PRKCE: variants seen among roughly 807,000 people sequenced by gnomAD.
PRKCE encodes the protein protein kinase C epsilon type.
In PRKCE, 16 loss-of-function variants were observed where a neutral mutation model predicts 85.4. The observed-to-expected ratio is 0.19, with a 90% CI of 0.13 to 0.28. The LOEUF (loss-of-function observed/expected upper bound fraction) is 0.28. Among genes scored for constraint, PRKCE ranks in the 10% least tolerant of loss-of-function variants. The pLI is 1.00. For missense variants in PRKCE, 573 were observed against 975.2 expected (o/e 0.59, Z 5.49); for synonymous variants, 388 against 371.5 (o/e 1.04, Z -0.51).
intron 1 of PRKCE, among the ~76,000 whole-genome samples, chr2:45,659,678 C>A (rs1675545186): frequency 6.6e-6 from 1 of 152,184 alleles, no homozygotes; most frequent in African/African-American, 2.4e-5. Context: ...CTGCCTCAGT[C>A]TTTACCCTTG....
intron 2 of PRKCE, among the ~76,000 whole-genome samples, chr2:45,883,913 G>A (rs1434336907): frequency 3.3e-5 from 5 of 152,126 alleles, no homozygotes; most frequent in Admixed American, 1.3e-4. Context: ...TGCTTCCCAC[G>A]TTGTCAATGC....
At chr2:45,661,519 TTTTGTTTTTTG>T (rs1229664619) in intron 1 of PRKCE, among the ~76,000 whole-genome samples, 12 of 108,360 alleles carry the variant, frequency 1.1e-4, no homozygotes, top group African/African-American at 3.7e-4. Context: ...TTGTTTTGTT[TTTTGTTTTTTG>T]TTTTTTTTTT....
intron 2 of PRKCE, among the ~76,000 whole-genome samples, chr2:45,921,143 C>T (rs1698218030): frequency 6.6e-6 from 1 of 152,210 alleles, no homozygotes; most frequent in Non-Finnish European, 1.5e-5. Flanking sequence ...CTTCAATGAA[C>T]TGAAGGAGAC....
chr2:46,026,463 G>T (rs144964530), intron 10 of PRKCE, among the ~76,000 whole-genome samples: 1 of 152,180 alleles, frequency 6.6e-6, no homozygotes, highest in African/African-American at 2.4e-5. Context: ...TTGGAAGATG[G>T]TATCATGCAG....
At chr2:45,782,159 G>A (rs566011258) in intron 1 of PRKCE, among the ~76,000 whole-genome samples, 26 of 152,312 alleles carry the variant, frequency 1.7e-4, no homozygotes, top group Non-Finnish European at 3.2e-4. Context: ...TCGGAGCTGA[G>A]CTAAGAAAGG....
intron 11 of PRKCE, among the ~76,000 whole-genome samples, chr2:46,111,125 A>G (rs913600414): frequency 2.6e-5 from 4 of 152,154 alleles, no homozygotes; most frequent in African/African-American, 4.8e-5. Context: ...CTTGATGACC[A>G]TTACATGCAA....
chr2:45,963,306 G>A (rs1281779001), intron 2 of PRKCE, among the ~76,000 whole-genome samples: 1 of 151,886 alleles, frequency 6.6e-6, no homozygotes, highest in Non-Finnish European at 1.5e-5. Context: ...ATCTTTACTT[G>A]TTTTTATTTA....
At chr2:46,017,827 A>G (rs899167409) in intron 10 of PRKCE, among the ~76,000 whole-genome samples, 3 of 152,208 alleles carry the variant, frequency 2.0e-5, no homozygotes, top group African/African-American at 7.2e-5. Flanking sequence ...TACAGATAAG[A>G]AAACCAAGGC....
At chr2:45,704,674 A>G (rs1678959322) in intron 1 of PRKCE, among the ~76,000 whole-genome samples, 1 of 152,194 alleles carries the variant, frequency 6.6e-6, no homozygotes, top group Admixed American at 6.5e-5. Flanking sequence ...TGAGGATGAA[A>G]TGCCTGTATG....
chr2:46,007,338 G>A (rs1705293036), intron 8 of PRKCE, 124 bp from the exon 9 acceptor site: 1 of 897,666 alleles, frequency 1.1e-6, no homozygotes, highest in Non-Finnish European at 1.7e-6. Flanking sequence ...TGTCACACTG[G>A]ATCTGTTGTG....
chr2:45,888,922 G>A (rs1185822323), intron 2 of PRKCE, among the ~76,000 whole-genome samples: 1 of 152,184 alleles, frequency 6.6e-6, no homozygotes, highest in Non-Finnish European at 1.5e-5. Context: ...TCAAAAGTGG[G>A]GAGACCTTGA....
At chr2:46,133,161 G>A (rs1048776191) in intron 11 of PRKCE, among the ~76,000 whole-genome samples, 8 of 152,174 alleles carry the variant, frequency 5.3e-5, no homozygotes, top group African/African-American at 1.4e-4. Context: ...TTCTGGACCC[G>A]GTATTGGGTT....
At chr2:46,127,671 G>A (rs2104384254) in intron 11 of PRKCE, among the ~76,000 whole-genome samples, 1 of 152,220 alleles carries the variant, frequency 6.6e-6, no homozygotes, top group East Asian at 1.9e-4. Context: ...GTGAGTGGCT[G>A]TCACTGTGGG....
chr2:45,889,902 C>T (rs1020752049), intron 2 of PRKCE, among the ~76,000 whole-genome samples: 5 of 152,204 alleles, frequency 3.3e-5, no homozygotes, highest in African/African-American at 1.2e-4. Flanking sequence ...AGAGTCACTA[C>T]CCCTTCGCTC....
At chr2:46,037,670 C>T (rs1707954225) in intron 10 of PRKCE, among the ~76,000 whole-genome samples, 1 of 152,178 alleles carries the variant, frequency 6.6e-6, no homozygotes, top group South Asian at 2.1e-4. Context: ...ATCCTTTCTT[C>T]TGAGGGCAGG....
intron 13 of PRKCE, among the ~76,000 whole-genome samples, chr2:46,151,866 C>A (rs1558506820): frequency 6.6e-6 from 1 of 152,258 alleles, no homozygotes; most frequent in Non-Finnish European, 1.5e-5. Context: ...TACGATGTAA[C>A]AATGCTTGTA....
chr2:45,961,369 A>G (rs751377916), intron 2 of PRKCE, among the ~76,000 whole-genome samples: 1 of 152,200 alleles, frequency 6.6e-6, no homozygotes, highest in East Asian at 1.9e-4. Context: ...ATAACAAGTT[A>G]TCTCAAATTC....
chr2:45,663,171 T>C (rs1204779902), intron 1 of PRKCE, among the ~76,000 whole-genome samples: 1 of 152,232 alleles, frequency 6.6e-6, no homozygotes, highest in Non-Finnish European at 1.5e-5. Context: ...TACACGTCTG[T>C]TTAACCAGAT....
At chr2:46,006,313 A>G (rs1705197942) in intron 8 of PRKCE, among the ~76,000 whole-genome samples, 1 of 152,354 alleles carries the variant, frequency 6.6e-6, no homozygotes, top group Non-Finnish European at 1.5e-5. Context: ...CTATTGTGAG[A>G]TTAAAAGTTA....
Sources: gnomAD v4.1 joint callset for allele counts (sites outside exome capture counted in the v4.1 genomes callset) on GRCh38, gnomAD v4.1.1 for gene constraint, MANE v1.5 for transcripts, NCBI Gene and HGNC (gene_info 2026-07-23, HGNC 2026-07-21) for gene names.